Variants in GPCPD1 observed in about 807,000 individuals in gnomAD.
GPCPD1 encodes glycerophosphocholine phosphodiesterase GPCPD1.
Under a neutral mutation model 89.2 loss-of-function variants are expected in GPCPD1, and 29 were observed. The observed-to-expected ratio is 0.33, with a 90% CI of 0.24 to 0.44. The LOEUF (loss-of-function observed/expected upper bound fraction) is 0.44. Ranked by LOEUF, GPCPD1 falls within the 20% of genes least tolerant of loss-of-function variation. GPCPD1 has a pLI of 1.00. For missense variants in GPCPD1, 594 were observed against 808.9 expected, an observed-to-expected ratio of 0.73 and a Z score of 3.22; for synonymous variants, 258 against 266.3, an observed-to-expected ratio of 0.97 and a Z score of 0.30.
At chr20:5,565,106 TA>T in intron 14 of GPCPD1, 28 bp from the exon 15 acceptor site, 2 of 1,150,086 alleles carry the variant, frequency 1.7e-6, no homozygotes, top group East Asian at 4.7e-5. Flanking sequence ...AAAATCTCAG[TA>T]AATAAAATGC....
At chr20:5,599,963 T>C (rs1466415796) in intron 2 of GPCPD1, among the ~76,000 whole-genome samples, 1 of 152,250 alleles carries the variant, frequency 6.6e-6, no homozygotes, top group Non-Finnish European at 1.5e-5. Context: ...ATTTTATATA[T>C]TTAGCAGAAC....
chr20:5,574,033 A>C, intron 10 of GPCPD1, 64 bp from the exon 11 acceptor site: 1 of 906,030 alleles, frequency 1.1e-6, no homozygotes, highest in Non-Finnish European at 1.8e-6. Flanking sequence ...TGTAATAAAG[A>C]AGCAAAGTGT....
intron 2 of GPCPD1, among the ~76,000 whole-genome samples, chr20:5,602,815 T>G (rs1980256257): frequency 6.6e-6 from 1 of 151,988 alleles, no homozygotes; most frequent in South Asian, 2.1e-4. Flanking sequence ...AAACCCCATC[T>G]CTACAAAAAA....
rs557931509 is a variant in GPCPD1, at chr20:5,559,799, G to C, written c.1532+141C>G. 3.2e-5 allele frequency: 16 copies of C among 492,502 alleles called. No homozygotes were observed. In the South Asian group the frequency reaches 4.7e-4, roughly 15 times the overall value. The allele number at this position is 492,502 out of a possible 1,614,324, so 30.5% of individuals were successfully genotyped here. Reference sequence around the variant, plus strand: ...CACCCTAGCAAACAGTCAAGAAAGGGCATGAGGAAACACACAACCTGACAT... The same window carrying C: ...CACCCTAGCAAACAGTCAAGAAAGGCCATGAGGAAACACACAACCTGACAT... On this transcript the variant is annotated intron_variant, in intron 17 of 19. Coordinates refer to ENST00000379019, the MANE Select transcript of GPCPD1 (RefSeq NM_019593.5).
chr20:5,592,172 A>G (rs1979372619), intron 4 of GPCPD1, among the ~76,000 whole-genome samples: 1 of 152,212 alleles, frequency 6.6e-6, no homozygotes, highest in Admixed American at 6.5e-5. Context: ...TTGGTTTCAC[A>G]TATTACAAAG....
chr20:5,559,584 A>AT (rs1278631428), intron 17 of GPCPD1, among the ~76,000 whole-genome samples: 11 of 71,886 alleles, frequency 1.5e-4, no homozygotes, highest in African/African-American at 9.0e-4. Flanking sequence ...TCTCAAAAAC[A>AT]ATTTTTTTTA....
intron 5 of GPCPD1, chr20:5,585,124 A>G (rs766553254): frequency 3.9e-5 from 6 of 152,208 alleles, no homozygotes; most frequent in Non-Finnish European, 8.8e-5. Flanking sequence ...ACTTCTCATA[A>G]TAAAATATAT....
intron 6 of GPCPD1, among the ~76,000 whole-genome samples, 197 bp downstream of exon 6, chr20:5,584,084 G>T (rs1173806758): frequency 6.6e-6 from 1 of 152,168 alleles, no homozygotes; most frequent in Non-Finnish European, 1.5e-5. Flanking sequence ...TGTTGTTTGT[G>T]TAAGTACAGG....
intron 15 of GPCPD1, among the ~76,000 whole-genome samples, chr20:5,563,612 T>G (rs557966123): frequency 1.3e-5 from 2 of 150,534 alleles, no homozygotes; most frequent in East Asian, 2.0e-4. Context: ...GAGCTTAAAC[T>G]GTCTGCCTGC....
chr20:5,610,734 C>T (rs547158304), intron 1 of GPCPD1, 108 bp downstream of exon 1: 51 of 93,414 alleles, frequency 5.5e-4, no homozygotes, highest in African/African-American at 2.1e-3. Context: ...GGACCCCGCC[C>T]GCGCCTCGGC....
chr20:5,563,311 A>G (rs551174535), intron 15 of GPCPD1, among the ~76,000 whole-genome samples: 24 of 152,030 alleles, frequency 1.6e-4, no homozygotes, highest in Admixed American at 1.2e-3. Flanking sequence ...ATAATGGCAA[A>G]GTGAGTAAAT....
chr20:5,576,942 C>T (rs1167694731), intron 8 of GPCPD1, among the ~76,000 whole-genome samples: 5 of 152,016 alleles, frequency 3.3e-5, no homozygotes, highest in African/African-American at 1.2e-4. Flanking sequence ...CAGAGGCTCA[C>T]ACCTGCAATC....
chr20:5,567,695 T>C (rs1452088728), intron 12 of GPCPD1, 135 bp from the exon 13 acceptor site: 1 of 823,406 alleles, frequency 1.2e-6, no homozygotes, highest in Non-Finnish European at 1.8e-6. Context: ...TGAGAATAAC[T>C]GTTAGTAGCC....
At chr20:5,548,664 G>GT (rs1185102570) in intron 19 of GPCPD1, among the ~76,000 whole-genome samples, 1 of 151,988 alleles carries the variant, frequency 6.6e-6, no homozygotes, top group African/African-American at 2.4e-5. Flanking sequence ...AATAAAATCC[G>GT]TAAGTAAGAG....
At chr20:5,553,663 A>G (rs954538676) in intron 19 of GPCPD1, among the ~76,000 whole-genome samples, 1 of 152,218 alleles carries the variant, frequency 6.6e-6, no homozygotes, top group Non-Finnish European at 1.5e-5. Context: ...CTTATTGCTG[A>G]TAAGGAGAAA....
intron 1 of GPCPD1, among the ~76,000 whole-genome samples, chr20:5,610,263 G>T (rs909185913): frequency 6.6e-6 from 1 of 152,182 alleles, no homozygotes; most frequent in Non-Finnish European, 1.5e-5. Context: ...AAATTGTATC[G>T]AGGGCACTCA....
intron 19 of GPCPD1, among the ~76,000 whole-genome samples, chr20:5,554,819 G>A (rs1467095350): frequency 1.3e-5 from 2 of 152,212 alleles, no homozygotes; most frequent in East Asian, 1.9e-4. Context: ...ATCTTGGCAA[G>A]GTAAACTGAA....
chr20:5,564,080 C>A lies in GPCPD1; in HGVS notation c.1329+937G>T, dbSNP rs144524350. On this transcript the variant is annotated intron_variant, in intron 15 of 19. Transcript: ENST00000379019. Reference sequence around the variant, plus strand: ...AAGACCAGAATTTAGAAACTGGAGTCGGTGGAACAAAAGCAGAGCCAGCAT... The same window carrying A: ...AAGACCAGAATTTAGAAACTGGAGTAGGTGGAACAAAAGCAGAGCCAGCAT... Among the ~76,000 whole-genome samples, 42 of 152,156 alleles carry A rather than the reference C, an allele frequency of 2.8e-4. No homozygotes were observed. The East Asian group carries it at 8.1e-3, about 29-fold the overall frequency.
chr20:5,572,500 A>G (rs909662407), intron 11 of GPCPD1, among the ~76,000 whole-genome samples: 12 of 152,254 alleles, frequency 7.9e-5, no homozygotes, highest in African/African-American at 2.4e-4. Flanking sequence ...AAAATATTTT[A>G]AAAGTACACC....
Sources: allele counts gnomAD v4.1 joint callset (sites outside exome capture counted in the v4.1 genomes callset), GRCh38; gene constraint gnomAD v4.1.1; transcripts MANE v1.5; gene names NCBI Gene and HGNC (gene_info 2026-07-23, HGNC 2026-07-21).